The following AP2B1 variants were observed in gnomAD, a reference collection of about 807,000 sequenced individuals.
The protein encoded by AP2B1 is AP-2 complex subunit beta.
Under a neutral mutation model 102.0 loss-of-function variants are expected in AP2B1, and 23 were observed. The ratio of observed to expected loss-of-function variants is 0.23; its 90% confidence interval spans 0.16 to 0.32. The LOEUF (loss-of-function observed/expected upper bound fraction) is 0.32, where lower values mean the gene tolerates loss of function less well. Ranked by LOEUF, AP2B1 falls within the 10% of genes least tolerant of loss-of-function variation. AP2B1 has a pLI of 1.00. For synonymous variants in AP2B1, 381 were observed against 421.2 expected, an observed-to-expected ratio of 0.90 and a Z score of 1.17; for missense variants, 541 against 1,157.4, an observed-to-expected ratio of 0.47 and a Z score of 7.73.
At chr17:35,690,996 G>T (rs902428528) in intron 18 of AP2B1, among the ~76,000 whole-genome samples, 1 of 152,032 alleles carries the variant, frequency 6.6e-6, no homozygotes. Flanking sequence ...AGTTTTTGTT[G>T]TCCCTGTCTT....
At chr17:35,664,714 C>A (rs994476993) in intron 14 of AP2B1, among the ~76,000 whole-genome samples, 6 of 152,138 alleles carry the variant, frequency 3.9e-5, no homozygotes, top group African/African-American at 1.2e-4. Context: ...ATAGAATGGT[C>A]CTTGCAACCT....
At chr17:35,609,323 A>G (rs2073785259) in intron 5 of AP2B1, among the ~76,000 whole-genome samples, 1 of 149,774 alleles carries the variant, frequency 6.7e-6, no homozygotes, top group African/African-American at 2.5e-5. Flanking sequence ...CTAGGACTGC[A>G]GGCACATGCC....
chr17:35,714,550 A>G (rs1369015474), intron 20 of AP2B1, among the ~76,000 whole-genome samples: 1 of 152,188 alleles, frequency 6.6e-6, no homozygotes, highest in African/African-American at 2.4e-5. Flanking sequence ...ATGAACCATA[A>G]GAAATCTTAT....
chr17:35,676,270 C>G (rs1363435215), intron 17 of AP2B1, among the ~76,000 whole-genome samples: 1 of 152,082 alleles, frequency 6.6e-6, no homozygotes, highest in East Asian at 1.9e-4. Flanking sequence ...ATTTTATTCT[C>G]TATGTTTCTT....
chr17:35,617,153 T>G (rs2074046906), intron 5 of AP2B1, among the ~76,000 whole-genome samples: 1 of 152,180 alleles, frequency 6.6e-6, no homozygotes, highest in Admixed American at 6.5e-5. Flanking sequence ...TCTCCTGGGC[T>G]CAAATAATTC....
At chr17:35,594,111 T>C (rs1423234978) in intron 2 of AP2B1, 44 bp downstream of exon 2, 3 of 1,428,188 alleles carry the variant, frequency 2.1e-6, no homozygotes. Context: ...TTTTCAAAAG[T>C]TGTAGTGTAA....
intron 9 of AP2B1, among the ~76,000 whole-genome samples, chr17:35,635,045 A>G (rs914962709): frequency 3.4e-5 from 5 of 148,844 alleles, no homozygotes; most frequent in African/African-American, 1.0e-4. Context: ...TACTGCTGTA[A>G]TGGTAGGTTT....
intron 13 of AP2B1, among the ~76,000 whole-genome samples, chr17:35,653,259 G>T (rs2075134248): frequency 6.6e-6 from 1 of 152,116 alleles, no homozygotes; most frequent in African/African-American, 2.4e-5. Flanking sequence ...TATCACTGAA[G>T]AAATTTTGTC....
chr17:35,675,630 T>A (rs537517042), intron 17 of AP2B1, among the ~76,000 whole-genome samples: 1 of 151,840 alleles, frequency 6.6e-6, no homozygotes, highest in Non-Finnish European at 1.5e-5. Flanking sequence ...CTTTTTTTTT[T>A]TCCTTTTTTT....
At chr17:35,712,488 C>T (rs946528072) in intron 20 of AP2B1, among the ~76,000 whole-genome samples, 2 of 151,974 alleles carry the variant, frequency 1.3e-5, no homozygotes, top group Non-Finnish European at 2.9e-5. Flanking sequence ...ATTAGCCAGG[C>T]GTGGTGGCGG....
intron 14 of AP2B1, among the ~76,000 whole-genome samples, chr17:35,658,092 T>G (rs1235011938): frequency 1.3e-5 from 2 of 152,108 alleles, no homozygotes; most frequent in Admixed American, 1.3e-4. Context: ...TTTTCCAGAG[T>G]TTATTATTGT....
intron 2 of AP2B1, among the ~76,000 whole-genome samples, chr17:35,595,955 C>T (rs2073257169): frequency 6.6e-6 from 1 of 150,692 alleles, no homozygotes; most frequent in Admixed American, 6.6e-5. Context: ...ATTCTTCAAA[C>T]CTACTCTTGA....
At chr17:35,721,242 C>A (rs1470825924) in intron 21 of AP2B1, among the ~76,000 whole-genome samples, 1 of 152,118 alleles carries the variant, frequency 6.6e-6, no homozygotes, top group East Asian at 1.9e-4. Context: ...GATAACTTGT[C>A]CCACGTGAAG....
At position 35,641,190 on chromosome 17, in the gene AP2B1, C is replaced by A. The variant is rs1025606697; in HGVS notation, c.1438-687C>A. On this transcript the variant is annotated intron_variant, in intron 11 of 21. Coordinates refer to ENST00000610402, the MANE Select transcript of AP2B1 (RefSeq NM_001030006.2). ...CAGTACGACAGATGATTCCATAATT[C>A]CCCCCAAATTGTAGCTTTTGGTAGA... Among the ~76,000 whole-genome samples the A allele has an allele frequency of 2.0e-5, 3 of 152,246 alleles. No individual in the cohort carries two copies. The East Asian group carries it at 5.8e-4, about 29-fold the overall frequency.
chr17:35,608,115 A>G, intron 4 of AP2B1, 27 bp from the exon 5 acceptor site: 2 of 1,611,592 alleles, frequency 1.2e-6, no homozygotes, highest in Non-Finnish European at 1.7e-6. Flanking sequence ...ATGTATACCT[A>G]CAGTTGTTGG....
At chr17:35,676,551 T>C (rs2075705675) in intron 17 of AP2B1, among the ~76,000 whole-genome samples, 1 of 152,240 alleles carries the variant, frequency 6.6e-6, no homozygotes, top group Non-Finnish European at 1.5e-5. Flanking sequence ...TTCATCTTTA[T>C]GATAAAGTTG....
Position 35,650,689 on chromosome 17 carries a change from C to A in AP2B1, c.1696C>A (p.His566Asn), listed in dbSNP as rs1238895393. 3.1e-6 allele frequency: 5 copies of A among 1,614,140 alleles called. No homozygotes were observed. Among genetic ancestry groups the A allele is most frequent in the Admixed American group, 3.3e-5 (2 of 60,016 alleles). The change falls in exon 13 of 22, where the codon CAC (histidine) becomes AAC (asparagine). Residue 566 changes from histidine (H) to asparagine (N), a missense_variant. His to Asn is a moderately conservative substitution (Grantham distance 68). This residue lies in a region of AP2B1 where 106 missense variants were observed against 296.4 expected (regional missense o/e 0.36). Coordinates refer to ENST00000610402, the MANE Select transcript of AP2B1 (RefSeq NM_001030006.2). ...AACTCTGCTGGATGAGCTAATCTGC[C>A]ACATTGGTTCTTTGGCCTCTGTGTA... The part of the protein sequence containing the change: ...EPTLLDELIC[H>N]IGSLASVYHK...
At chr17:35,676,444 G>A (rs2075703597) in intron 17 of AP2B1, among the ~76,000 whole-genome samples, 1 of 152,120 alleles carries the variant, frequency 6.6e-6, no homozygotes, top group Admixed American at 6.5e-5. Flanking sequence ...GTGTATATCA[G>A]CAGTTGATTT....
intron 21 of AP2B1, among the ~76,000 whole-genome samples, chr17:35,719,393 T>C (rs1202027316): frequency 1.3e-5 from 2 of 152,112 alleles, no homozygotes; most frequent in East Asian, 3.8e-4. Flanking sequence ...TGTCCCTTTA[T>C]GGTCAGACTC....
Sources: allele counts gnomAD v4.1 joint callset (sites outside exome capture counted in the v4.1 genomes callset), GRCh38; gene constraint gnomAD v4.1.1; regional missense constraint gnomAD v4.1.1; transcripts MANE v1.5; gene names NCBI Gene and HGNC (gene_info 2026-07-23, HGNC 2026-07-21).